Variants in PSD2 observed in about 807,000 individuals in gnomAD.
The protein encoded by PSD2 is PH and SEC7 domain-containing protein 2.
In PSD2, 38 loss-of-function variants were observed where a neutral mutation model predicts 69.8. That is an observed-to-expected ratio of 0.54 (90% CI 0.42 to 0.71). The LOEUF (loss-of-function observed/expected upper bound fraction) is 0.71. Ranked by LOEUF, PSD2 falls within the 30% of genes least tolerant of loss-of-function variation. PSD2 has a pLI of 0.00. For synonymous variants in PSD2, 412 were observed against 423.0 expected (o/e 0.97, Z 0.32); for missense variants, 943 against 1,014.5 (o/e 0.93, Z 0.96).
At chr5:139,775,620 A>G in the PSD2 span, 163 of 152,388 alleles carry the variant, frequency 1.1e-3, 1 homozygote, top group Middle Eastern at 0.02. Flanking sequence ...CCCACCCTAA[A>G]TGAACTCATC....
the PSD2 span, among the ~76,000 whole-genome samples, chr5:139,770,497 C>T: frequency 6.6e-5 from 10 of 152,196 alleles, no homozygotes; most frequent in East Asian, 1.2e-3. Flanking sequence ...ACTGGGGAGT[C>T]GGAGGTTGCA....
At chr5:139,756,291 G>C in the PSD2 span, among the ~76,000 whole-genome samples, 1 of 152,212 alleles carries the variant, frequency 6.6e-6, no homozygotes, top group Non-Finnish European at 1.5e-5. Flanking sequence ...GGCGTAATTC[G>C]ATGCCAATCA....
rs574307891 is a variant in PSD2, at chr5:139,837,473, A to C, written c.1666-152A>C. 11 of 860,700 alleles carry C rather than the reference A, an allele frequency of 1.3e-5. No individual in the cohort carries two copies. In the African/African-American group the frequency reaches 1.5e-4, roughly 12 times the overall value. The allele number at this position is 860,700 out of a possible 1,614,324, so 53.3% of individuals were successfully genotyped here. A position where few individuals can be genotyped will look rare whatever the true frequency, so the allele number is the denominator to read the frequency against. ...CAGGCCTCTGGGACAAACTGGGGTA[A>C]GGGGAGGAGTACCTGGATTCTTGTT... On this transcript the variant is annotated intron_variant, in intron 11 of 14. Coordinates refer to ENST00000274710, the MANE Select transcript of PSD2 (RefSeq NM_032289.4). The surrounding 1 kb of genome is among the most constrained non-coding windows in gnomAD (Gnocchi z 5.0).
the PSD2 span, among the ~76,000 whole-genome samples, chr5:139,751,774 A>G: frequency 6.8e-6 from 1 of 147,140 alleles, no homozygotes; most frequent in East Asian, 2.0e-4. Flanking sequence ...TTTCCATGGC[A>G]TGGCTAGGGT....
chr5:139,800,366 G>A (rs1212480216), intron 1 of PSD2, among the ~76,000 whole-genome samples: 1 of 152,222 alleles, frequency 6.6e-6, no homozygotes, highest in Non-Finnish European at 1.5e-5. Flanking sequence ...AGTCCACCAG[G>A]CACAGCACAG....
chr5:139,789,349 C>T, the PSD2 span, among the ~76,000 whole-genome samples: 1 of 152,172 alleles, frequency 6.6e-6, no homozygotes, highest in African/African-American at 2.4e-5. Flanking sequence ...GGGGCACCTC[C>T]TCAGAGAGGC....
At chr5:139,807,931 C>T (rs1213728493) in intron 1 of PSD2, among the ~76,000 whole-genome samples, 1 of 152,216 alleles carries the variant, frequency 6.6e-6, no homozygotes, top group Non-Finnish European at 1.5e-5. Flanking sequence ...GGGGTAGGGC[C>T]TGGTAATCTG....
chr5:139,776,777 T>C, the PSD2 span, among the ~76,000 whole-genome samples: 1 of 151,762 alleles, frequency 6.6e-6, no homozygotes, highest in South Asian at 2.1e-4. Flanking sequence ...CAAGTGATCC[T>C]CCTTCCTCAG....
In PSD2 at chr5:139,813,313, G is replaced by A. The variant is rs1200758607; in HGVS notation, c.376G>A (p.Asp126Asn). 6.5e-7 allele frequency: 1 copy of A among 1,539,314 alleles called. No individual in the cohort carries two copies. Among genetic ancestry groups the A allele is most frequent in the East Asian group, 2.3e-5 (1 of 43,866 alleles). ...PDAEDPQLGL[D>N]GPGEPDVRDG... ...CTGGCTCCTTGCATCCCACAGGTTG[G>A]ATGGTCCCGGGGAGCCAGATGTGCG... The change falls in exon 3 of 15, where the codon GAT (aspartate) becomes AAT (asparagine). Residue 126 changes from aspartate to asparagine, a missense_variant. By Grantham distance (23) the Asp-to-Asn change is conservative (BLOSUM62 1). This residue lies in a region of PSD2 where 466 missense variants were observed against 445.0 expected (regional missense o/e 1.05). Coordinates refer to ENST00000274710, the MANE Select transcript of PSD2 (RefSeq NM_032289.4).
chr5:139,798,236 G>A (rs934140041), intron 1 of PSD2, among the ~76,000 whole-genome samples: 3 of 152,222 alleles, frequency 2.0e-5, no homozygotes, highest in Admixed American at 2.0e-4. Flanking sequence ...GCTCAATGGA[G>A]GGGGAGGGGC....
At chr5:139,753,213 C>T in the PSD2 span, among the ~76,000 whole-genome samples, 5 of 152,126 alleles carry the variant, frequency 3.3e-5, no homozygotes, top group South Asian at 2.1e-4. Flanking sequence ...AGCTGCAGCG[C>T]GAGAAACGGG....
intron 7 of PSD2, among the ~76,000 whole-genome samples, chr5:139,827,824 G>C (rs1008498415): frequency 1.3e-5 from 2 of 152,126 alleles, no homozygotes; most frequent in African/African-American, 2.4e-5. Context: ...CAGCGTGGGG[G>C]AACCACCCCC....
Position 139,822,012 on chromosome 5 carries a change from C to A in PSD2, c.1210+7C>A. 2 of 1,575,896 alleles carry A rather than the reference C, an allele frequency of 1.3e-6. No homozygotes were observed. The highest frequency in any genetic ancestry group is 1.7e-6 in the Non-Finnish European group (2 of 1,151,930). On this transcript the variant is annotated splice_region_variant and intron_variant, in intron 6 of 14. Coordinates refer to ENST00000274710, the MANE Select transcript of PSD2 (RefSeq NM_032289.4). ...GATGACAGCACTTCGGAAGGTATGG[C>A]CCCTTGCCCACTCTGCCTGACCCTC... is the stretch of plus-strand genomic sequence containing the variant.
At chr5:139,823,338 A>G (rs1197476343) in intron 7 of PSD2, among the ~76,000 whole-genome samples, 6 of 152,022 alleles carry the variant, frequency 3.9e-5, no homozygotes, top group African/African-American at 1.2e-4. Flanking sequence ...AGTGGTGTGC[A>G]TGCCCTGTGT....
chr5:139,830,147 CT>C (rs1289695784), intron 7 of PSD2, among the ~76,000 whole-genome samples: 2 of 151,180 alleles, frequency 1.3e-5, no homozygotes, highest in African/African-American at 4.9e-5. Flanking sequence ...TTTTCATGTA[CT>C]TTTTGGCCAT....
At chr5:139,747,022 C>G in the PSD2 span, among the ~76,000 whole-genome samples, 1 of 152,196 alleles carries the variant, frequency 6.6e-6, no homozygotes, top group African/African-American at 2.4e-5. The surrounding 1 kb of genome is among the most constrained non-coding windows in gnomAD (Gnocchi z 6.7). Flanking sequence ...GCCCTCCTCC[C>G]ACTTTCATTG....
At chr5:139,809,058 G>C (rs1759882676) in intron 1 of PSD2, among the ~76,000 whole-genome samples, 1 of 152,210 alleles carries the variant, frequency 6.6e-6, no homozygotes, top group Admixed American at 6.5e-5. Flanking sequence ...GGCCCTACTG[G>C]ACCCTTCTCC....
the PSD2 span, among the ~76,000 whole-genome samples, chr5:139,750,741 G>C: frequency 6.6e-6 from 1 of 152,112 alleles, no homozygotes; most frequent in African/African-American, 2.4e-5. Context: ...TCAAGAGCCT[G>C]GGGAAGAGGA....
intron 1 of PSD2, among the ~76,000 whole-genome samples, chr5:139,796,763 CCACT>C (rs1197149470): frequency 1.3e-5 from 2 of 152,184 alleles, no homozygotes; most frequent in East Asian, 3.9e-4. Flanking sequence ...GCCCAGGGGG[CCACT>C]GTCTCAAGCC....
Sources: allele counts gnomAD v4.1 joint callset (sites outside exome capture counted in the v4.1 genomes callset), GRCh38; gene constraint gnomAD v4.1.1; regional missense constraint gnomAD v4.1.1; non-coding constraint Gnocchi (gnomAD v3.1); transcripts MANE v1.5; gene names NCBI Gene and HGNC (gene_info 2026-07-23, HGNC 2026-07-21).